Variants in CCBE1 observed in about 807,000 individuals in gnomAD.
The protein encoded by CCBE1 is collagen and calcium-binding EGF domain-containing protein 1.
A neutral mutation model predicts 50.0 loss-of-function variants in CCBE1; 37 were observed. That is an observed-to-expected ratio of 0.74 (90% CI 0.57 to 0.97). The LOEUF (loss-of-function observed/expected upper bound fraction) is 0.97, where lower values mean the gene tolerates loss of function less well. Among genes scored for constraint, CCBE1 ranks in the 50% least tolerant of loss-of-function variants. The pLI is 0.00. For synonymous variants in CCBE1, 234 were observed against 203.7 expected, an observed-to-expected ratio of 1.15 and a Z score of -1.27; for missense variants, 538 against 523.8, an observed-to-expected ratio of 1.03 and a Z score of -0.26.
rs1015215036 is a variant in CCBE1, at chr18:59,432,374, A to G, written c.*3534T>C. The G allele has an allele frequency of 6.6e-6, 1 of 152,206 alleles. No individual in the cohort carries two copies. The highest frequency in any genetic ancestry group is 6.5e-5 in the Admixed American group (1 of 15,276). 9.4% of individuals were successfully genotyped at this position (152,206 alleles called of 1,614,324 possible). On this transcript the variant is annotated 3_prime_UTR_variant, in exon 11 of 11. Coordinates refer to ENST00000439986, the MANE Select transcript of CCBE1 (RefSeq NM_133459.4). ...AATCGAAGTCAACATTTCTACTAAC[A>G]GGTTGAGGAGGTGTACAAAGATCTT...
chr18:59,585,074 A>C (rs1386573565), intron 2 of CCBE1, among the ~76,000 whole-genome samples: 1 of 152,116 alleles, frequency 6.6e-6, no homozygotes, highest in Non-Finnish European at 1.5e-5. Flanking sequence ...CAGCTGTCCG[A>C]GTTGGAGTCA....
chr18:59,442,431 A>G (rs141959859), intron 7 of CCBE1, among the ~76,000 whole-genome samples: 358 of 152,278 alleles, frequency 2.4e-3, no homozygotes, highest in African/African-American at 8.4e-3. Flanking sequence ...AGCATTCTTA[A>G]CATTTAAAAA....
upstream of CCBE1, chr18:59,697,456 G>A (rs1477086896): frequency 1.4e-6 from 2 of 1,401,152 alleles, no homozygotes; most frequent in South Asian, 1.4e-5. Flanking sequence ...GGAGAGCAGG[G>A]GCGTTTGCAC....
At chr18:59,645,014 G>A (rs1410761163) in intron 2 of CCBE1, among the ~76,000 whole-genome samples, 1 of 152,166 alleles carries the variant, frequency 6.6e-6, no homozygotes, top group Non-Finnish European at 1.5e-5. Flanking sequence ...CCAGCACTTT[G>A]GGAGGCCGAG....
At chr18:59,696,543 G>GTC in intron 2 of CCBE1, 86 bp downstream of exon 2, 1 of 1,598,104 alleles carries the variant, frequency 6.3e-7, no homozygotes, top group East Asian at 2.2e-5. Context: ...TCCCAAGCGC[G>GTC]TCTCCAAACC....
At chr18:59,643,175 C>T (rs935640807) in intron 2 of CCBE1, among the ~76,000 whole-genome samples, 15 of 152,058 alleles carry the variant, frequency 9.9e-5, no homozygotes, top group Non-Finnish European at 2.1e-4. Context: ...GACACAAATA[C>T]ATTTTCCAAT....
chr18:59,656,133 C>G (rs1159686494), intron 2 of CCBE1, among the ~76,000 whole-genome samples: 1 of 152,094 alleles, frequency 6.6e-6, no homozygotes, highest in Non-Finnish European at 1.5e-5. Flanking sequence ...CATGATTACT[C>G]CCAAAGAAGT....
chr18:59,514,757 C>A (rs1223538271), intron 2 of CCBE1, among the ~76,000 whole-genome samples: 1 of 151,730 alleles, frequency 6.6e-6, no homozygotes, highest in African/African-American at 2.4e-5. Flanking sequence ...ACACAGAATG[C>A]CTTTCCAATC....
chr18:59,622,225 G>A (rs374835746), intron 2 of CCBE1, among the ~76,000 whole-genome samples: 3 of 152,204 alleles, frequency 2.0e-5, no homozygotes, highest in African/African-American at 7.2e-5. Flanking sequence ...ATACTGTACA[G>A]ATGGAACAAT....
chr18:59,584,725 C>T (rs1289075486), intron 2 of CCBE1, among the ~76,000 whole-genome samples: 2 of 152,090 alleles, frequency 1.3e-5, no homozygotes, highest in African/African-American at 4.8e-5. Flanking sequence ...CACCTTCCAC[C>T]ACAAGTAAAA....
At chr18:59,586,200 A>G (rs571513050) in intron 2 of CCBE1, among the ~76,000 whole-genome samples, 1 of 152,316 alleles carries the variant, frequency 6.6e-6, no homozygotes, top group South Asian at 2.1e-4. Context: ...TAAAGGACTC[A>G]AAGTTTTTAA....
intron 2 of CCBE1, among the ~76,000 whole-genome samples, chr18:59,648,851 T>G (rs2054090526): frequency 6.6e-6 from 1 of 152,216 alleles, no homozygotes; most frequent in African/African-American, 2.4e-5. Flanking sequence ...TTGTCCAGCG[T>G]CCCTTCCTCT....
intron 2 of CCBE1, among the ~76,000 whole-genome samples, chr18:59,485,783 G>A (rs933944251): frequency 2.0e-5 from 3 of 151,564 alleles, no homozygotes; most frequent in Non-Finnish European, 4.4e-5. Flanking sequence ...GCTTATTTTC[G>A]GTAGACAGGG....
intron 2 of CCBE1, among the ~76,000 whole-genome samples, chr18:59,596,422 AT>A (rs2053351585): frequency 6.6e-6 from 1 of 152,292 alleles, no homozygotes; most frequent in East Asian, 1.9e-4. Context: ...TTTTGGAAGT[AT>A]TTTTTTCAAT....
intron 2 of CCBE1, among the ~76,000 whole-genome samples, chr18:59,562,124 C>T (rs1437636691): frequency 1.3e-5 from 2 of 152,172 alleles, no homozygotes; most frequent in African/African-American, 2.4e-5. Context: ...AATACTTACA[C>T]ATAAAGATAA....
At chr18:59,543,711 T>G (rs1295929786) in intron 2 of CCBE1, among the ~76,000 whole-genome samples, 1 of 151,788 alleles carries the variant, frequency 6.6e-6, no homozygotes, top group Non-Finnish European at 1.5e-5. Context: ...GGCGGGCGCC[T>G]GTAGTCCCAG....
intron 2 of CCBE1, among the ~76,000 whole-genome samples, chr18:59,595,783 TA>T (rs1471912919): frequency 5.3e-5 from 8 of 152,328 alleles, no homozygotes; most frequent in African/African-American, 1.9e-4. Flanking sequence ...AAAGGTACTG[TA>T]AAGATTTTCA....
At chr18:59,501,271 C>T (rs1913608222) in intron 2 of CCBE1, among the ~76,000 whole-genome samples, 1 of 152,174 alleles carries the variant, frequency 6.6e-6, no homozygotes, top group Admixed American at 6.5e-5. Context: ...CTGCTTCGTC[C>T]TCCATAGGGA....
intron 2 of CCBE1, among the ~76,000 whole-genome samples, chr18:59,590,997 C>CA (rs1420972894): frequency 9.3e-5 from 3 of 32,342 alleles, no homozygotes; most frequent in African/African-American, 4.3e-4. Context: ...GTAATCCCAG[C>CA]ACTTTGGGAG....
Sources: allele counts gnomAD v4.1 joint callset (sites outside exome capture counted in the v4.1 genomes callset), GRCh38; gene constraint gnomAD v4.1.1; transcripts MANE v1.5; gene names NCBI Gene and HGNC (gene_info 2026-07-23, HGNC 2026-07-21).